CDKAL1: variants seen among roughly 807,000 people sequenced by gnomAD.
CDKAL1 encodes threonylcarbamoyladenosine tRNA methylthiotransferase.
Under a neutral mutation model 68.2 loss-of-function variants are expected in CDKAL1, and 32 were observed. The ratio of observed to expected loss-of-function variants is 0.47; its 90% CI spans 0.35 to 0.63. CDKAL1 has a LOEUF of 0.63. CDKAL1 is among the 30% of genes least tolerant of loss of function. The pLI is 0.00. For missense variants in CDKAL1, 606 were observed against 696.7 expected, an observed-to-expected ratio of 0.87 and a Z score of 1.47; for synonymous variants, 234 against 244.3, an observed-to-expected ratio of 0.96 and a Z score of 0.39.
chr6:20,754,494 G>A (rs1774082397), intron 6 of CDKAL1, among the ~76,000 whole-genome samples: 1 of 152,112 alleles, frequency 6.6e-6, no homozygotes, highest in Non-Finnish European at 1.5e-5. Flanking sequence ...TACCCATTAA[G>A]CAATAGCTCC....
rs373771720 is a variant in CDKAL1, at chr6:21,068,069, C to T, written c.1236+2841C>T. ...TGGTTTACCAGTTGGATTTACAACC[C>T]GCCCTTACCCCCAATTTATAGGAGT... On this transcript the variant is annotated intron_variant, in intron 12 of 15. Transcript: ENST00000274695. Among the ~76,000 whole-genome samples, 448 of 152,126 alleles carry T rather than the reference C, an allele frequency of 2.9e-3. 4 individuals carry two copies. Among genetic ancestry groups the T allele is most frequent in the African/African-American group, 0.01 (417 of 41,470 alleles).
At chr6:20,793,498 T>C (rs959240219) in intron 8 of CDKAL1, among the ~76,000 whole-genome samples, 16 of 152,252 alleles carry the variant, frequency 1.1e-4, no homozygotes, top group Non-Finnish European at 1.3e-4. Flanking sequence ...AACGTGATGG[T>C]TGGCATAATG....
In CDKAL1 at chr6:21,231,037, T is replaced by A; in HGVS notation, c.1738T>A (p.Ter580LysextTer16). Reference sequence around the variant, plus strand: ...TGCTTTTTTTGTCAAGGTCTATAATTAGAATACAACTAATGGAAACATCTA... The same window carrying A: ...TGCTTTTTTTGTCAAGGTCTATAATAAGAATACAACTAATGGAAACATCTA... ...LFAFFVKVYN* is the reference protein window; with the variant it reads ...LFAFFVKVYNK The change falls in exon 16 of 16, where the codon TAG (stop) becomes AAG (lysine). Residue 580 changes from the stop codon to lysine (K), a stop_lost. Coordinates refer to ENST00000274695, the MANE Select transcript of CDKAL1 (RefSeq NM_017774.3). 6.3e-7 allele frequency: 1 copy of A among 1,594,464 alleles called. No individual in the cohort carries two copies. Among genetic ancestry groups the A allele is most frequent in the East Asian group, 2.3e-5 (1 of 44,442 alleles).
chr6:21,204,491 C>T (rs938966911), intron 15 of CDKAL1, among the ~76,000 whole-genome samples: 2 of 152,190 alleles, frequency 1.3e-5, no homozygotes, highest in East Asian at 1.9e-4. Flanking sequence ...AAAATCATTA[C>T]CCATAATTGT....
chr6:20,845,033 C>T (rs778741667), intron 8 of CDKAL1, among the ~76,000 whole-genome samples: 1 of 152,140 alleles, frequency 6.6e-6, no homozygotes, highest in Non-Finnish European at 1.5e-5. Flanking sequence ...GGATCCCATG[C>T]GAAAATTCTC....
intron 8 of CDKAL1, among the ~76,000 whole-genome samples, chr6:20,841,447 T>A (rs1473012580): frequency 1.3e-5 from 2 of 152,240 alleles, no homozygotes; most frequent in Admixed American, 6.5e-5. Context: ...AAAAAAAGAA[T>A]AGGTATGTTA....
At chr6:20,684,419 G>A (rs1366313728) in intron 5 of CDKAL1, among the ~76,000 whole-genome samples, 1 of 152,224 alleles carries the variant, frequency 6.6e-6, no homozygotes, top group Non-Finnish European at 1.5e-5. Flanking sequence ...TCCAGCCTTG[G>A]TGTCAGAGTG....
intron 11 of CDKAL1, among the ~76,000 whole-genome samples, chr6:21,049,471 T>A (rs1770422701): frequency 6.6e-6 from 1 of 152,200 alleles, no homozygotes; most frequent in South Asian, 2.1e-4. Context: ...TATCATAAAA[T>A]GATTTTAATA....
chr6:21,201,571 A>G (rs963957326), intron 15 of CDKAL1, among the ~76,000 whole-genome samples: 3 of 152,212 alleles, frequency 2.0e-5, no homozygotes, highest in Non-Finnish European at 4.4e-5. Flanking sequence ...GATCTGATCC[A>G]GTATGTTTCT....
chr6:20,599,954 C>G (rs750567625), intron 4 of CDKAL1, among the ~76,000 whole-genome samples: 11 of 152,112 alleles, frequency 7.2e-5, no homozygotes, highest in Admixed American at 1.3e-4. Flanking sequence ...TGACAATTTA[C>G]CTTTTCATAC....
intron 8 of CDKAL1, among the ~76,000 whole-genome samples, chr6:20,796,745 G>T (rs1278099421): frequency 6.6e-6 from 1 of 152,150 alleles, no homozygotes; most frequent in African/African-American, 2.4e-5. Context: ...AGAAAGCAGT[G>T]TTTTCATCAA....
At chr6:21,156,424 C>CAAAAAAAA (rs372631710) in intron 13 of CDKAL1, among the ~76,000 whole-genome samples, 1 of 85,162 alleles carries the variant, frequency 1.2e-5, no homozygotes, top group Admixed American at 1.5e-4. Context: ...ACCCTGTCTC[C>CAAAAAAAA]AAAAAAAAAA....
intron 8 of CDKAL1, among the ~76,000 whole-genome samples, chr6:20,841,685 G>A (rs1214521074): frequency 1.3e-5 from 2 of 152,172 alleles, no homozygotes; most frequent in Non-Finnish European, 1.5e-5. Context: ...GAGACAGGAG[G>A]ATAACTTGAG....
At chr6:20,790,615 C>T (rs1448842578) in intron 8 of CDKAL1, among the ~76,000 whole-genome samples, 1 of 152,186 alleles carries the variant, frequency 6.6e-6, no homozygotes, top group African/African-American at 2.4e-5. Context: ...GGCGCCCTGC[C>T]CACTCGGTCC....
At chr6:20,965,447 C>T (rs928959993) in intron 10 of CDKAL1, among the ~76,000 whole-genome samples, 8 of 150,850 alleles carry the variant, frequency 5.3e-5, no homozygotes, top group Non-Finnish European at 1.5e-5. Flanking sequence ...GGAGGGGGAA[C>T]ATTATAATCA....
At chr6:21,127,367 G>A (rs11757294) in intron 13 of CDKAL1, among the ~76,000 whole-genome samples, 78,731 of 152,032 alleles carry the variant, frequency 0.52, 21,099 homozygotes, top group East Asian at 0.68. Flanking sequence ...TCGATATAGA[G>A]GAATTGTTTG....
In CDKAL1 at chr6:21,093,694, C is replaced by CTTTTTT. The variant is rs547923386; in HGVS notation, c.1237-14672_1237-14667dup. ...ATAACCAACTGAGCTGCTGCTGCTG[C>CTTTTTT]TTTTTTTTTTTTTTTTTTTTTTTTT... On this transcript the variant is annotated intron_variant, in intron 12 of 15. Transcript: ENST00000274695. 1.8e-4 allele frequency among the ~76,000 whole-genome samples: 16 copies of CTTTTTT among 88,092 alleles called. 2 individuals carry two copies. The highest frequency in any genetic ancestry group is 3.6e-4 in the African/African-American group (8 of 21,936). The allele number at this position is 88,092 out of a possible 152,430, so 57.8% of individuals were successfully genotyped here.
intron 13 of CDKAL1, among the ~76,000 whole-genome samples, chr6:21,165,789 A>G (rs1777126645): frequency 6.6e-6 from 1 of 152,198 alleles, no homozygotes; most frequent in Non-Finnish European, 1.5e-5. Context: ...AGCACAGTGC[A>G]TGGCATCCTA....
At chr6:20,875,628 T>A (rs1760473260) in intron 9 of CDKAL1, among the ~76,000 whole-genome samples, 1 of 152,192 alleles carries the variant, frequency 6.6e-6, no homozygotes, top group African/African-American at 2.4e-5. Context: ...TTCCCTTGGC[T>A]TTTAAAAATT....
Sources: gnomAD v4.1 joint callset for allele counts (sites outside exome capture counted in the v4.1 genomes callset) on GRCh38, gnomAD v4.1.1 for gene constraint, MANE v1.5 for transcripts, NCBI Gene and HGNC (gene_info 2026-07-23, HGNC 2026-07-21) for gene names.